The following GRM5 variants were observed in gnomAD, a reference collection of about 807,000 sequenced individuals.
The protein encoded by GRM5 is glutamate metabotropic receptor 5.
Under a neutral mutation model 83.1 loss-of-function variants are expected in GRM5, and 19 were observed. That is an observed-to-expected ratio of 0.23 (90% confidence interval 0.16 to 0.34). The LOEUF is 0.34. Among genes scored for constraint, GRM5 ranks in the 10% least tolerant of loss-of-function variants. GRM5 has a pLI of 1.00. For missense variants in GRM5, 1,160 were observed against 1,588.3 expected, an observed-to-expected ratio of 0.73 and a Z score of 4.58; for synonymous variants, 675 against 633.6, an observed-to-expected ratio of 1.07 and a Z score of -0.98.
At chr11:88,520,898 T>G (rs887555276) in intron 9 of GRM5, among the ~76,000 whole-genome samples, 1 of 152,186 alleles carries the variant, frequency 6.6e-6, no homozygotes, top group Admixed American at 6.5e-5. Context: ...GTTACTCAAC[T>G]AATTGAAAGT....
intron 7 of GRM5, among the ~76,000 whole-genome samples, chr11:88,574,268 C>T (rs1040732736): frequency 4.6e-5 from 7 of 152,104 alleles, no homozygotes; most frequent in Non-Finnish European, 8.8e-5. Flanking sequence ...AATTCTAGTG[C>T]ATGGATAAGT....
chr11:88,614,508 C>CT (rs1055210499), intron 4 of GRM5, among the ~76,000 whole-genome samples: 3 of 151,880 alleles, frequency 2.0e-5, no homozygotes, highest in South Asian at 2.1e-4. Context: ...CACTATTTAG[C>CT]TTTTTTTTCT....
intron 3 of GRM5, among the ~76,000 whole-genome samples, chr11:88,794,085 C>A (rs1436871604): frequency 6.6e-6 from 1 of 152,076 alleles, no homozygotes; most frequent in East Asian, 1.9e-4. Context: ...AGCCTTTAGC[C>A]TCGAAAATTG....
intron 2 of GRM5, among the ~76,000 whole-genome samples, chr11:88,997,258 C>T (rs190328764): frequency 5.4e-5 from 8 of 148,000 alleles, no homozygotes; most frequent in Middle Eastern, 6.9e-3. Context: ...ACCCAAGAGG[C>T]GGAGGTTGCA....
chr11:88,953,966 CATATT>C (rs1938536888), intron 2 of GRM5, among the ~76,000 whole-genome samples: 1 of 152,138 alleles, frequency 6.6e-6, no homozygotes, highest in African/African-American at 2.4e-5. Context: ...ACTGAAAGAA[CATATT>C]ATGTTTTATG....
At chr11:88,578,304 A>C (rs1943155408) in intron 7 of GRM5, among the ~76,000 whole-genome samples, 1 of 152,140 alleles carries the variant, frequency 6.6e-6, no homozygotes, top group Non-Finnish European at 1.5e-5. Context: ...GCATTTTCCA[A>C]GTAGGTTAGA....
chr11:88,547,469 AG>A (rs1173398934), intron 8 of GRM5, among the ~76,000 whole-genome samples: 1 of 152,298 alleles, frequency 6.6e-6, no homozygotes, highest in Non-Finnish European at 1.5e-5. Context: ...TGCCTCAAGT[AG>A]CCCCAAACCT....
At chr11:88,558,242 A>G (rs1184262201) in intron 8 of GRM5, among the ~76,000 whole-genome samples, 1 of 152,142 alleles carries the variant, frequency 6.6e-6, no homozygotes. Context: ...CTCCAAAGAA[A>G]AGTAACTATA....
chr11:88,955,218 A>G (rs1938572580), intron 2 of GRM5, among the ~76,000 whole-genome samples: 1 of 152,242 alleles, frequency 6.6e-6, no homozygotes, highest in Admixed American at 6.5e-5. Flanking sequence ...TCATTCTTCA[A>G]GAATAAAAAG....
intron 2 of GRM5, among the ~76,000 whole-genome samples, chr11:88,926,446 G>C (rs1194411323): frequency 6.6e-6 from 1 of 152,140 alleles, no homozygotes; most frequent in African/African-American, 2.4e-5. Context: ...TATATCTACA[G>C]AGAGTGTTCA....
At chr11:88,634,586 T>G (rs1018201034) in intron 4 of GRM5, among the ~76,000 whole-genome samples, 11 of 152,100 alleles carry the variant, frequency 7.2e-5, no homozygotes, top group Admixed American at 6.6e-4. Flanking sequence ...TACCAGAAGG[T>G]CTTCAGGGGC....
intron 2 of GRM5, among the ~76,000 whole-genome samples, chr11:88,993,825 G>T (rs1940079174): frequency 1.3e-5 from 2 of 152,082 alleles, no homozygotes; most frequent in Non-Finnish European, 2.9e-5. Context: ...GTGATGAAGT[G>T]ATCCTCTCAC....
rs533425536 is a variant in GRM5 at position 88,994,188 on chromosome 11, C to T, written c.661+53024G>A. On this transcript the variant is annotated intron_variant, in intron 2 of 9. Coordinates refer to ENST00000305447, the MANE Select transcript of GRM5 (RefSeq NM_001143831.3). ...TATTTAACCAAGGAGGTAGAAGATA[C>T]ATACAAGGAAAACAATGAGACACTG... 1.3e-4 allele frequency among the ~76,000 whole-genome samples: 19 copies of T among 149,372 alleles called. No homozygotes were observed. In the East Asian group the frequency reaches 2.9e-3, roughly 23 times the overall value.
At chr11:88,591,374 T>C (rs1937636769) in intron 6 of GRM5, among the ~76,000 whole-genome samples, 1 of 152,174 alleles carries the variant, frequency 6.6e-6, no homozygotes, top group Non-Finnish European at 1.5e-5. Context: ...GAGACTATTA[T>C]ATACCTCTTA....
chr11:89,059,421 G>T (rs1941943178), intron 1 of GRM5, among the ~76,000 whole-genome samples: 2 of 152,024 alleles, frequency 1.3e-5, no homozygotes, highest in Admixed American at 6.6e-5. Context: ...ACATTCCTTT[G>T]CAGAGGAAGG....
At chr11:88,834,133 T>A (rs1022406860) in intron 3 of GRM5, among the ~76,000 whole-genome samples, 1 of 152,116 alleles carries the variant, frequency 6.6e-6, no homozygotes, top group Non-Finnish European at 1.5e-5. Context: ...TCCCAACACA[T>A]AGAAATGATA....
intron 4 of GRM5, among the ~76,000 whole-genome samples, chr11:88,612,213 T>C (rs12279444): frequency 0.22 from 30,617 of 142,358 alleles, 3,266 homozygotes; most frequent in Middle Eastern, 0.24. Flanking sequence ...TGAGAATATG[T>C]GGTGTTTGGT....
intron 7 of GRM5, among the ~76,000 whole-genome samples, chr11:88,589,189 C>T (rs1490312829): frequency 1.3e-5 from 2 of 150,806 alleles, no homozygotes; most frequent in Non-Finnish European, 1.5e-5. Context: ...CCTCACCCTT[C>T]TTCAAGAAAA....
At chr11:88,937,647 T>A (rs1408167318) in intron 2 of GRM5, among the ~76,000 whole-genome samples, 1 of 151,712 alleles carries the variant, frequency 6.6e-6, no homozygotes, top group African/African-American at 2.4e-5. Context: ...TGTTGGACTC[T>A]GCATGTCTTT....
Sources: gnomAD v4.1 joint callset for allele counts (sites outside exome capture counted in the v4.1 genomes callset) on GRCh38, gnomAD v4.1.1 for gene constraint, MANE v1.5 for transcripts, NCBI Gene and HGNC (gene_info 2026-07-23, HGNC 2026-07-21) for gene names.